The following SNTG1 variants were observed in gnomAD, a reference collection of about 807,000 sequenced individuals.
SNTG1 encodes syntrophin gamma 1, also known as gamma-1-syntrophin.
Under a neutral mutation model 74.7 loss-of-function variants are expected in SNTG1, and 39 were observed. The ratio of observed to expected loss-of-function variants is 0.52; its 90% CI spans 0.40 to 0.68. The LOEUF (loss-of-function observed/expected upper bound fraction) is 0.68, where lower values mean the gene tolerates loss of function less well. SNTG1 is among the 30% of genes least tolerant of loss of function. The pLI, the probability that SNTG1 is intolerant of heterozygous loss-of-function variation, is 0.00. For missense variants in SNTG1, 685 were observed against 609.5 expected, an observed-to-expected ratio of 1.12 and a Z score of -1.30; for synonymous variants, 254 against 217.1, an observed-to-expected ratio of 1.17 and a Z score of -1.49.
At chr8:50,524,633 T>C (rs2094205765) in intron 9 of SNTG1, among the ~76,000 whole-genome samples, 1 of 151,988 alleles carries the variant, frequency 6.6e-6, no homozygotes, top group Non-Finnish European at 1.5e-5. Flanking sequence ...TTAATTAAAA[T>C]ATTACACAAC....
intron 2 of SNTG1, among the ~76,000 whole-genome samples, chr8:50,236,255 A>T (rs1346730335): frequency 2.6e-5 from 4 of 152,290 alleles, no homozygotes; most frequent in South Asian, 2.1e-4. Context: ...AGAAGATAAA[A>T]TTTTTTGAAT....
chr8:49,996,267 T>G (rs532079936), intron 1 of SNTG1, among the ~76,000 whole-genome samples: 33 of 152,134 alleles, frequency 2.2e-4, no homozygotes, highest in African/African-American at 7.7e-4. Context: ...AAAGGCCAAA[T>G]CACCAAATAA....
chr8:50,205,548 T>C (rs780901386), intron 2 of SNTG1, among the ~76,000 whole-genome samples: 1 of 152,214 alleles, frequency 6.6e-6, no homozygotes, highest in Non-Finnish European at 1.5e-5. Context: ...TGGTAGTTTC[T>C]TTTGCTGTGC....
At chr8:50,586,594 G>A (rs888632636) in intron 12 of SNTG1, among the ~76,000 whole-genome samples, 7 of 151,810 alleles carry the variant, frequency 4.6e-5, no homozygotes, top group Non-Finnish European at 1.0e-4. Context: ...TTGGTAGAAG[G>A]TCATTAAAAG....
At chr8:50,416,925 G>A (rs909242333) in intron 4 of SNTG1, among the ~76,000 whole-genome samples, 22 of 152,084 alleles carry the variant, frequency 1.4e-4, no homozygotes, top group African/African-American at 5.3e-4. Flanking sequence ...CTGTGACGAT[G>A]ATTCACTGTC....
At chr8:50,644,764 C>T (rs1006217778) in intron 13 of SNTG1, among the ~76,000 whole-genome samples, 5 of 152,130 alleles carry the variant, frequency 3.3e-5, no homozygotes, top group Non-Finnish European at 7.4e-5. Context: ...AGAGACTTGA[C>T]ATTAATTCTT....
At chr8:50,414,208 G>A (rs1280071739) in intron 4 of SNTG1, among the ~76,000 whole-genome samples, 2 of 152,102 alleles carry the variant, frequency 1.3e-5, no homozygotes, top group Non-Finnish European at 1.5e-5. Flanking sequence ...TTTACAATTA[G>A]TTCTTTCAGG....
intron 9 of SNTG1, among the ~76,000 whole-genome samples, chr8:50,529,152 C>T (rs954050356): frequency 1.1e-4 from 17 of 151,778 alleles, no homozygotes; most frequent in Non-Finnish European, 2.1e-4. Flanking sequence ...TATACATTTG[C>T]TTTAAAGTAA....
chr8:50,448,491 C>A (rs139150361), intron 5 of SNTG1, among the ~76,000 whole-genome samples: 120 of 152,176 alleles, frequency 7.9e-4, no homozygotes, highest in African/African-American at 2.7e-3. Flanking sequence ...GAAGATAGAA[C>A]AACCTCAATG....
At position 50,720,467 on chromosome 8, in the gene SNTG1, C is replaced by T. The variant is rs144035606; in HGVS notation, c.1284+11489C>T. ...CTATTGCTACATACTAGGAGTATAA[C>T]AACAGATGCAGTCCCTCCCCTCAAG... On this transcript the variant is annotated intron_variant, in intron 17 of 18. Coordinates refer to ENST00000642720, the MANE Select transcript of SNTG1 (RefSeq NM_018967.5). Among the ~76,000 whole-genome samples, 790 of 152,240 alleles carry T rather than the reference C, an allele frequency of 5.2e-3. 3 individuals are homozygous for T. The highest frequency in any genetic ancestry group is 0.01 in the Middle Eastern group (3 of 294).
At chr8:50,597,743 T>A (rs1307710222) in intron 13 of SNTG1, among the ~76,000 whole-genome samples, 1 of 152,008 alleles carries the variant, frequency 6.6e-6, no homozygotes, top group Non-Finnish European at 1.5e-5. Flanking sequence ...TGTTTTTTGA[T>A]AATAGTCATT....
At chr8:50,319,323 T>A (rs1480726516) in intron 2 of SNTG1, among the ~76,000 whole-genome samples, 2 of 152,064 alleles carry the variant, frequency 1.3e-5, no homozygotes, top group Non-Finnish European at 2.9e-5. Context: ...GAGATCATGC[T>A]ACTGCACTCC....
chr8:49,998,587 GACACACACACACACACACACACACACAC>G (rs56162374), intron 1 of SNTG1, among the ~76,000 whole-genome samples: 1 of 136,838 alleles, frequency 7.3e-6, no homozygotes, highest in African/African-American at 2.6e-5. Context: ...TAAAAATTAA[GACACACACACACACACACACACACACAC>G]ACACACACAC....
At chr8:49,994,786 C>T (rs1458996824) in intron 1 of SNTG1, among the ~76,000 whole-genome samples, 4 of 151,800 alleles carry the variant, frequency 2.6e-5, no homozygotes, top group Non-Finnish European at 5.9e-5. Context: ...AAGTCAGGAA[C>T]TTAGTAAGAC....
chr8:50,104,239 G>C (rs1044446504), intron 1 of SNTG1, among the ~76,000 whole-genome samples: 3 of 152,060 alleles, frequency 2.0e-5, no homozygotes, highest in Non-Finnish European at 4.4e-5. Flanking sequence ...CAATTTCAGA[G>C]CCTGTTATTA....
intron 1 of SNTG1, among the ~76,000 whole-genome samples, chr8:49,980,193 G>A (rs1228804392): frequency 2.0e-5 from 3 of 152,086 alleles, no homozygotes; most frequent in African/African-American, 7.2e-5. Context: ...CCAGCGCCTG[G>A]CAGCCACTAT....
At chr8:50,020,205 CT>C (rs1367119556) in intron 1 of SNTG1, among the ~76,000 whole-genome samples, 1 of 152,166 alleles carries the variant, frequency 6.6e-6, no homozygotes, top group Non-Finnish European at 1.5e-5. Flanking sequence ...AGCTCTTCCC[CT>C]CCTCCTCTTT....
chr8:50,114,906 A>T (rs759782790), intron 1 of SNTG1, among the ~76,000 whole-genome samples: 2 of 152,084 alleles, frequency 1.3e-5, no homozygotes, highest in Non-Finnish European at 2.9e-5. Flanking sequence ...GGGGGATATA[A>T]TGTACAGCAG....
intron 1 of SNTG1, among the ~76,000 whole-genome samples, chr8:49,948,047 C>T (rs1336758416): frequency 1.3e-5 from 2 of 152,078 alleles, no homozygotes; most frequent in African/African-American, 2.4e-5. Flanking sequence ...AGGAGACTTG[C>T]TTGAGCCTGG....
Sources: gnomAD v4.1 joint callset for allele counts (sites outside exome capture counted in the v4.1 genomes callset) on GRCh38, gnomAD v4.1.1 for gene constraint, MANE v1.5 for transcripts, NCBI Gene and HGNC (gene_info 2026-07-23, HGNC 2026-07-21) for gene names.